Variants in RGS3 observed in about 807,000 individuals in gnomAD.
RGS3 encodes regulator of G-protein signalling 3.
RGS3 carries 80 observed loss-of-function variants against 132.6 expected under a neutral mutation model. The ratio of observed to expected loss-of-function variants is 0.60; its 90% CI spans 0.50 to 0.73. The LOEUF is 0.73. Among genes scored for constraint, RGS3 ranks in the 30% least tolerant of loss-of-function variants. RGS3 has a pLI of 0.00. For missense variants in RGS3, 1,382 were observed against 1,530.8 expected (o/e 0.90, Z 1.62); for synonymous variants, 598 against 620.6 (o/e 0.96, Z 0.54).
intron 20 of RGS3, among the ~76,000 whole-genome samples, chr9:113,589,540 G>A (rs1487967796): frequency 6.6e-6 from 1 of 152,220 alleles, no homozygotes; most frequent in Non-Finnish European, 1.5e-5. Flanking sequence ...ATGGCGGCTG[G>A]GTGGGAGTGG....
intron 19 of RGS3, among the ~76,000 whole-genome samples, chr9:113,551,338 T>G (rs1370955593): frequency 6.6e-6 from 1 of 152,266 alleles, no homozygotes; most frequent in Admixed American, 6.5e-5. Context: ...TATTCTGTTG[T>G]ATGGAATATC....
At chr9:113,515,524 G>A (rs556317737) in intron 15 of RGS3, among the ~76,000 whole-genome samples, 25 of 152,130 alleles carry the variant, frequency 1.6e-4, no homozygotes, top group African/African-American at 3.4e-4. Context: ...CCAGCTATTC[G>A]GGAGGCTGAG....
At chr9:113,486,054 C>T (rs954123651) in intron 7 of RGS3, among the ~76,000 whole-genome samples, 1 of 152,206 alleles carries the variant, frequency 6.6e-6, no homozygotes, top group African/African-American at 2.4e-5. Context: ...CTCAGTTCTA[C>T]AGGACTCTAA....
intron 1 of RGS3, among the ~76,000 whole-genome samples, chr9:113,447,333 A>ATGTGTG (rs1428873725): frequency 1.4e-5 from 1 of 72,928 alleles, no homozygotes; most frequent in African/African-American, 4.7e-5. Context: ...GTATATGTAT[A>ATGTGTG]TATATATATA....
chr9:113,528,543 T>C (rs1018257782), intron 17 of RGS3, among the ~76,000 whole-genome samples: 10 of 152,188 alleles, frequency 6.6e-5, no homozygotes, highest in African/African-American at 2.4e-4. Context: ...AGCAATCACC[T>C]TCCCTCGGCG....
At chr9:113,501,017 T>G (rs1182569854) in intron 10 of RGS3, among the ~76,000 whole-genome samples, 3 of 152,130 alleles carry the variant, frequency 2.0e-5, no homozygotes, top group Non-Finnish European at 4.4e-5. Context: ...AGTTTCCAAG[T>G]GGCAGGCAGG....
At position 113,506,871 on chromosome 9, in the gene RGS3, T is replaced by C. The variant is rs1439965578; in HGVS notation, c.1085+378T>C. 6.6e-6 allele frequency among the ~76,000 whole-genome samples: 1 copy of C among 152,230 alleles called. No individual in the cohort carries two copies. Among genetic ancestry groups the C allele is most frequent in the Non-Finnish European group, 1.5e-5 (1 of 68,032 alleles). ...AATTAAAAAAATATTCTTGAAAACA[T>C]TGGAGTCTCCCAAATTTTGATCCTC... On this transcript the variant is annotated intron_variant, in intron 12 of 24. Transcript: ENST00000350696. The surrounding 1 kb of genome is among the most constrained non-coding windows in gnomAD (Gnocchi z 4.7).
At chr9:113,472,164 G>C (rs980445454) in intron 3 of RGS3, among the ~76,000 whole-genome samples, 1 of 152,126 alleles carries the variant, frequency 6.6e-6, no homozygotes, top group African/African-American at 2.4e-5. Flanking sequence ...GTACACTGCC[G>C]GCCGGAATGT....
intron 7 of RGS3, among the ~76,000 whole-genome samples, chr9:113,491,847 C>T (rs909153353): frequency 1.3e-5 from 2 of 152,238 alleles, no homozygotes; most frequent in East Asian, 1.9e-4. Flanking sequence ...AGCCACTGCG[C>T]CCAGCCAGGG....
intron 13 of RGS3, among the ~76,000 whole-genome samples, chr9:113,508,044 G>A (rs1419915360): frequency 6.6e-6 from 1 of 152,174 alleles, no homozygotes; most frequent in Non-Finnish European, 1.5e-5. Context: ...CCCATGAGAT[G>A]CTCTGGGAAA....
At chr9:113,482,991 C>T in intron 4 of RGS3, 68 bp from the exon 3 acceptor site, 2 of 1,610,566 alleles carry the variant, frequency 1.2e-6, no homozygotes, top group Non-Finnish European at 1.7e-6. Flanking sequence ...CTATGTGTGT[C>T]TCTCTTTCTC....
chr9:113,542,688 G>A (rs1832952632), intron 19 of RGS3, among the ~76,000 whole-genome samples: 1 of 152,206 alleles, frequency 6.6e-6, no homozygotes, highest in East Asian at 1.9e-4. Flanking sequence ...GATAGTGGGG[G>A]CAGTGCTGAG....
chr9:113,457,650 T>A (rs1472577428), upstream of RGS3, among the ~76,000 whole-genome samples: 1 of 152,258 alleles, frequency 6.6e-6, no homozygotes, highest in Non-Finnish European at 1.5e-5. Context: ...TGCTGGGAGC[T>A]GGATTTTTAT....
chr9:113,558,245 G>A (rs552713679), intron 19 of RGS3, among the ~76,000 whole-genome samples: 4 of 152,360 alleles, frequency 2.6e-5, no homozygotes, highest in Non-Finnish European at 5.9e-5. Context: ...GCTCACGCCT[G>A]TAATCCCAGC....
At chr9:113,525,110 T>G (rs1388092284) in intron 17 of RGS3, among the ~76,000 whole-genome samples, 2 of 151,870 alleles carry the variant, frequency 1.3e-5, no homozygotes, top group African/African-American at 4.8e-5. Context: ...AAGAGCCCCT[T>G]GGGTTGGTGT....
intron 19 of RGS3, chr9:113,581,026 G>T: frequency 1.1e-6 from 1 of 927,924 alleles, no homozygotes; most frequent in Non-Finnish European, 1.3e-6. Flanking sequence ...GGGCCAGGGG[G>T]TGGGTCGGGG....
chr9:113,527,406 G>A (rs183351532), intron 17 of RGS3, among the ~76,000 whole-genome samples: 3 of 152,290 alleles, frequency 2.0e-5, no homozygotes, highest in Admixed American at 2.0e-4. Flanking sequence ...AAATGTCCCA[G>A]TGTGTTCTCT....
chr9:113,447,280 AG>A (rs1474750153), intron 1 of RGS3, among the ~76,000 whole-genome samples: 1 of 130,800 alleles, frequency 7.6e-6, no homozygotes, highest in Non-Finnish European at 1.6e-5. Context: ...AAAAAAAAAA[AG>A]AAAAATACAG....
At chr9:113,535,322 T>C (rs1401807790) in intron 18 of RGS3, among the ~76,000 whole-genome samples, 1 of 152,042 alleles carries the variant, frequency 6.6e-6, no homozygotes, top group African/African-American at 2.4e-5. Flanking sequence ...TACAGGCACA[T>C]GCCACCACGC....
Sources: gnomAD v4.1 joint callset for allele counts (sites outside exome capture counted in the v4.1 genomes callset) on GRCh38, gnomAD v4.1.1 for gene constraint, Gnocchi (gnomAD v3.1) non-coding constraint, MANE v1.5 for transcripts, NCBI Gene and HGNC (gene_info 2026-07-23, HGNC 2026-07-21) for gene names.